SCAF11: variants seen among roughly 807,000 people sequenced by gnomAD.
SCAF11 encodes the protein SR-related CTD associated factor 11.
Under a neutral mutation model 140.5 loss-of-function variants are expected in SCAF11, and 47 were observed. That is an observed-to-expected ratio of 0.33 (90% CI 0.26 to 0.43). SCAF11 has a LOEUF of 0.43. Among genes scored for constraint, SCAF11 ranks in the 20% least tolerant of loss-of-function variants. SCAF11 has a pLI of 1.00. For missense variants in SCAF11, 1,645 were observed against 1,705.1 expected, an observed-to-expected ratio of 0.96 and a Z score of 0.62; for synonymous variants, 557 against 579.4, an observed-to-expected ratio of 0.96 and a Z score of 0.55.
intron 3 of SCAF11, among the ~76,000 whole-genome samples, chr12:45,958,724 T>C (rs894307940): frequency 1.3e-5 from 2 of 152,198 alleles, no homozygotes; most frequent in African/African-American, 4.8e-5. Context: ...CCATGAAGGC[T>C]ACCACAGGTT....
intron 3 of SCAF11, 72 bp downstream of exon 3, chr12:45,961,628 A>G (rs1945832659): frequency 8.3e-7 from 1 of 1,199,584 alleles, no homozygotes; most frequent in African/African-American, 1.5e-5. Flanking sequence ...AATTTATGAA[A>G]GGCAGTATCA....
At position 45,928,652 on chromosome 12, in the gene SCAF11, C is replaced by A. The variant is rs1450983358; in HGVS notation, c.1049G>T (p.Gly350Val). 1.5e-5 allele frequency: 25 copies of A among 1,614,034 alleles called. No homozygotes were observed. The highest frequency in any genetic ancestry group is 2.0e-5 in the Non-Finnish European group (24 of 1,179,984). Residue 350 changes from glycine (G) to valine (V), a missense_variant, in exon 11 of 15, where the codon GGT becomes GTT. Gly to Val is a moderately radical substitution (Grantham distance 109, BLOSUM62 -3). Transcript: ENST00000369367. ...ISDNSGCDAP[G>V]NSNPSLSVPS... ...AACACTTAAAGATGGATTACTGTTA[C>A]CTGGGGCATCACACCCAGAATTGTC...
intron 1 of SCAF11, chr12:45,975,725 A>G (rs2136651406): frequency 6.6e-6 from 1 of 152,406 alleles, no homozygotes; most frequent in South Asian, 2.1e-4. Context: ...TGTTTGGTCT[A>G]ATTTCAATAC....
At chr12:45,970,621 T>C (rs1169389782) in intron 1 of SCAF11, among the ~76,000 whole-genome samples, 2 of 152,252 alleles carry the variant, frequency 1.3e-5, no homozygotes, top group African/African-American at 4.8e-5. Flanking sequence ...ATCAGTGACC[T>C]GATTGCTTGT....
chr12:45,934,087 T>G, intron 8 of SCAF11, 89 bp downstream of exon 8: 1 of 734,074 alleles, frequency 1.4e-6, no homozygotes, highest in Non-Finnish European at 2.1e-6. Context: ...TCAGTTTTTA[T>G]TGGGCCCAGA....
chr12:45,942,381 C>T (rs1385182409), intron 6 of SCAF11, among the ~76,000 whole-genome samples: 1 of 152,172 alleles, frequency 6.6e-6, no homozygotes, highest in Non-Finnish European at 1.5e-5. Flanking sequence ...AGAAAAAAGC[C>T]ACCTAAATAG....
In SCAF11 at chr12:45,933,155, G is replaced by A; in HGVS notation, c.710C>T (p.Pro237Leu). ...CCTTCCAATTCCAGGTAATGTATCA[G>A]GAAACCATGACAATTCCAGTTCATG... Reference protein sequence around the residue: ...KRHELELSWFPDTLPGIGRIG... With the variant: ...KRHELELSWFLDTLPGIGRIG... Residue 237 changes from proline (P) to leucine (L), a missense_variant, in exon 9 of 15, where the codon CCT becomes CTT. By Grantham distance (98) the Pro-to-Leu change is moderately conservative. Coordinates refer to ENST00000369367, the MANE Select transcript of SCAF11 (RefSeq NM_004719.3). 2 of 1,610,268 alleles carry A rather than the reference G, an allele frequency of 1.2e-6. No individual in the cohort carries two copies. Among genetic ancestry groups the A allele is most frequent in the Non-Finnish European group, 1.7e-6 (2 of 1,178,330 alleles).
At chr12:45,942,915 A>G (rs1419465970) in intron 6 of SCAF11, among the ~76,000 whole-genome samples, 1 of 152,054 alleles carries the variant, frequency 6.6e-6, no homozygotes, top group Non-Finnish European at 1.5e-5. Flanking sequence ...TCACTACTAT[A>G]CCCCTAAGAG....
At position 45,990,515 on chromosome 12, in the gene SCAF11, C is replaced by G. The variant is rs1258324490; in HGVS notation, c.-184G>C. The G allele has an allele frequency of 8.1e-7, 1 of 1,231,828 alleles. No individual in the cohort carries two copies. The highest frequency in any genetic ancestry group is 1.0e-6 in the Non-Finnish European group (1 of 988,220). 76.3% of individuals were successfully genotyped at this position (1,231,828 alleles called of 1,614,324 possible). On this transcript the variant is annotated 5_prime_UTR_variant, in exon 1 of 15. Coordinates refer to ENST00000369367, the MANE Select transcript of SCAF11 (RefSeq NM_004719.3). The stretch of plus-strand genomic sequence containing the variant: ...CTCCGCTGGCTCGGTCCGGAGGCGG[C>G]GGCGAAGCAGGGAGCGACCCAGGTT...
At chr12:45,940,051 A>T (rs142422298) in intron 6 of SCAF11, among the ~76,000 whole-genome samples, 1 of 152,344 alleles carries the variant, frequency 6.6e-6, no homozygotes, top group African/African-American at 2.4e-5. Flanking sequence ...CTTTGCAATA[A>T]TTCCAAGTTA....
chr12:45,974,031 T>C (rs1019178680), intron 1 of SCAF11, among the ~76,000 whole-genome samples: 3 of 152,206 alleles, frequency 2.0e-5, no homozygotes, highest in African/African-American at 7.2e-5. Context: ...AAAGACATCA[T>C]GGGTCTAGGT....
Position 45,961,810 on chromosome 12 carries a change from C to T in SCAF11, c.109G>A (p.Glu37Lys). The T allele has an allele frequency of 6.2e-7, 1 of 1,612,642 alleles. No homozygotes were observed. Among genetic ancestry groups the T allele is most frequent in the East Asian group, 2.2e-5 (1 of 44,812 alleles). The change falls in exon 3 of 15, where the codon GAG becomes AAG. Residue 37 changes from glutamate to lysine, a missense_variant. By Grantham distance (56) the Glu-to-Lys change is moderately conservative. This residue lies in a region of SCAF11 where 1,582 missense variants were observed against 1,609.2 expected (regional missense o/e 0.98). Coordinates refer to ENST00000369367, the MANE Select transcript of SCAF11 (RefSeq NM_004719.3). ...AGACATATTGGGCATCTGTCAGCCT[C>T]ACTGTACAACAGACCAGTGGAAATA... ...NTISTGLLYS[E>K]ADRCPICLNC...
intron 13 of SCAF11, 52 bp from the exon 14 acceptor site, chr12:45,922,634 C>A (rs1944742259): frequency 1.7e-5 from 25 of 1,512,924 alleles, no homozygotes; most frequent in Non-Finnish European, 2.1e-5. Flanking sequence ...ACTGCTCTCA[C>A]AAAATCCCAA....
chr12:45,967,117 T>C (rs966071779), intron 1 of SCAF11, among the ~76,000 whole-genome samples: 18 of 152,096 alleles, frequency 1.2e-4, no homozygotes, highest in African/African-American at 2.4e-4. Flanking sequence ...GTGGGGTGCA[T>C]TGGTATATGC....
Position 45,927,198 on chromosome 12 carries a change from G to A in SCAF11, c.2503C>T (p.Pro835Ser), listed in dbSNP as rs772406556. Residue 835 changes from proline to serine, a missense_variant, in exon 11 of 15, where the codon CCT becomes TCT. Physicochemically the swap from Pro to Ser is moderately conservative, Grantham distance 74. This residue lies in a region of SCAF11 where 1,582 missense variants were observed against 1,609.2 expected (regional missense o/e 0.98). Transcript: ENST00000369367. ...KESRKSQSPS[P>S]KNESARGRKK... ...CGGCCTCTGGCTGACTCATTCTTAG[G>A]AGATGGTGATTGAGACTTCCTGCTT... The A allele has an allele frequency of 4.3e-6, 7 of 1,614,062 alleles. No homozygotes were observed. The highest frequency in any genetic ancestry group is 5.1e-6 in the Non-Finnish European group (6 of 1,179,992).
chr12:45,973,605 T>C (rs1239257341), intron 1 of SCAF11, among the ~76,000 whole-genome samples: 4 of 152,132 alleles, frequency 2.6e-5, no homozygotes, highest in African/African-American at 9.7e-5. Flanking sequence ...CAATGATGCA[T>C]TACTTACGAG....
intron 2 of SCAF11, among the ~76,000 whole-genome samples, chr12:45,962,357 A>G (rs1463545880): frequency 6.6e-6 from 1 of 152,184 alleles, no homozygotes; most frequent in Non-Finnish European, 1.5e-5. Flanking sequence ...ACTTTTGGCT[A>G]TGACAATGTT....
At chr12:45,938,513 CAAAA>C (rs1041500303) in intron 6 of SCAF11, among the ~76,000 whole-genome samples, 13 of 151,712 alleles carry the variant, frequency 8.6e-5, no homozygotes, top group African/African-American at 3.1e-4. Context: ...AACAAACAAA[CAAAA>C]AACACACTTT....
chr12:45,959,218 A>G (rs1945767232), intron 3 of SCAF11, among the ~76,000 whole-genome samples: 1 of 151,976 alleles, frequency 6.6e-6, no homozygotes, highest in Admixed American at 6.6e-5. Flanking sequence ...CAGTGAGCCG[A>G]GATGGTTCCA....
Sources: allele counts gnomAD v4.1 joint callset (sites outside exome capture counted in the v4.1 genomes callset), GRCh38; gene constraint gnomAD v4.1.1; regional missense constraint gnomAD v4.1.1; transcripts MANE v1.5; gene names NCBI Gene and HGNC (gene_info 2026-07-23, HGNC 2026-07-21).